The following ZZZ3 variants were observed in gnomAD, a reference collection of about 807,000 sequenced individuals.
ZZZ3 encodes the protein zinc finger ZZ-type containing 3.
ZZZ3 carries 22 observed loss-of-function variants against 95.2 expected under a neutral mutation model. That is an observed-to-expected ratio of 0.23 (90% CI 0.17 to 0.33). The LOEUF is 0.33. Ranked by LOEUF, ZZZ3 falls within the 10% of genes least tolerant of loss-of-function variation. The pLI, the probability that ZZZ3 is intolerant of heterozygous loss-of-function variation, is 1.00. For synonymous variants in ZZZ3, 335 were observed against 358.9 expected (o/e 0.93, Z 0.75); for missense variants, 885 against 1,066.5 (o/e 0.83, Z 2.37).
At chr1:77,655,644 C>G (rs1476574171) in intron 1 of ZZZ3, among the ~76,000 whole-genome samples, 1 of 152,172 alleles carries the variant, frequency 6.6e-6, no homozygotes, top group African/African-American at 2.4e-5. Context: ...ACAGACAAGG[C>G]AGATAGATAA....
At chr1:77,671,027 T>A (rs1387011984) in intron 1 of ZZZ3, among the ~76,000 whole-genome samples, 1 of 149,290 alleles carries the variant, frequency 6.7e-6, no homozygotes, top group Non-Finnish European at 1.5e-5. Flanking sequence ...GTGGGGGTTG[T>A]TTTTTTTAAA....
At chr1:77,625,808 G>A (rs1225133053) in intron 5 of ZZZ3, among the ~76,000 whole-genome samples, 1 of 150,960 alleles carries the variant, frequency 6.6e-6, no homozygotes, top group Non-Finnish European at 1.5e-5. Context: ...TGGTCAACAT[G>A]ATGAAACTCT....
chr1:77,588,753 T>C (rs994113287), intron 5 of ZZZ3, among the ~76,000 whole-genome samples: 18 of 152,224 alleles, frequency 1.2e-4, no homozygotes, highest in Admixed American at 4.6e-4. Flanking sequence ...GATAAAATCA[T>C]AGTTATACCT....
At chr1:77,641,027 G>A (rs1004532639) in intron 3 of ZZZ3, 1 of 152,206 alleles carries the variant, frequency 6.6e-6, no homozygotes, top group African/African-American at 2.4e-5. Context: ...ATGGGGAGAA[G>A]CTCAGCGAAA....
chr1:77,656,493 C>T (rs561949480), intron 1 of ZZZ3, among the ~76,000 whole-genome samples: 126 of 152,200 alleles, frequency 8.3e-4, no homozygotes, highest in Middle Eastern at 3.4e-3. Context: ...CTAAAGGAGA[C>T]GGATCAAGGT....
chr1:77,611,844 G>T (rs778848328), intron 5 of ZZZ3, among the ~76,000 whole-genome samples: 1 of 151,852 alleles, frequency 6.6e-6, no homozygotes, highest in South Asian at 2.1e-4. Flanking sequence ...ACGAGTGAAA[G>T]ACCTAAATAT....
intron 5 of ZZZ3, among the ~76,000 whole-genome samples, chr1:77,605,955 CAGAG>C (rs745816641): frequency 3.3e-5 from 5 of 152,056 alleles, no homozygotes; most frequent in South Asian, 4.1e-4. Flanking sequence ...TTAAGAAAAG[CAGAG>C]GGAAAAGCAA....
intron 5 of ZZZ3, among the ~76,000 whole-genome samples, chr1:77,586,902 A>T (rs1209057783): frequency 4.6e-5 from 7 of 152,164 alleles, no homozygotes; most frequent in Admixed American, 6.5e-5. Flanking sequence ...ATATAGACAA[A>T]TCTATTTTCA....
chr1:77,615,819 T>C (rs1032007396), intron 5 of ZZZ3, among the ~76,000 whole-genome samples: 3 of 152,190 alleles, frequency 2.0e-5, no homozygotes, highest in African/African-American at 2.4e-5. Flanking sequence ...GAAAACATTC[T>C]ATTTGGTTTT....
At chr1:77,674,230 G>C (rs1370617125) in intron 1 of ZZZ3, among the ~76,000 whole-genome samples, 1 of 152,142 alleles carries the variant, frequency 6.6e-6, no homozygotes, top group Non-Finnish European at 1.5e-5. Context: ...TAAGTGTTGA[G>C]ATCTCAAGGT....
chr1:77,586,168 T>C (rs769501391), intron 5 of ZZZ3, among the ~76,000 whole-genome samples: 15 of 152,224 alleles, frequency 9.9e-5, no homozygotes, highest in African/African-American at 3.4e-4. Flanking sequence ...CAGGCTCACA[T>C]AGGCTCAATC....
At chr1:77,570,828 ATT>A (rs1234908458) in intron 12 of ZZZ3, among the ~76,000 whole-genome samples, 8 of 123,760 alleles carry the variant, frequency 6.5e-5, no homozygotes, top group African/African-American at 1.9e-4. Flanking sequence ...AGCCTGGCTA[ATT>A]TTTTTTTTTT....
chr1:77,607,610 C>G (rs1316539812), intron 5 of ZZZ3, among the ~76,000 whole-genome samples: 1 of 152,074 alleles, frequency 6.6e-6, no homozygotes, highest in Non-Finnish European at 1.5e-5. Context: ...AATTAGTGAG[C>G]TTTAAGACAG....
chr1:77,632,711 C>T lies in ZZZ3; in HGVS notation c.644G>A (p.Cys215Tyr), dbSNP rs1414857969. Reference sequence around the variant, plus strand: ...GTTCCCATCAGGCTGACAGTCATCACAGTTTATAACAGCTGAATCACTGTC... The same window carrying T: ...GTTCCCATCAGGCTGACAGTCATCATAGTTTATAACAGCTGAATCACTGTC... Reference protein sequence around the residue: ...VDDSDSAVINCDDCQPDGNTK... With the variant: ...VDDSDSAVINYDDCQPDGNTK... The change falls in exon 5 of 15, where the codon TGT becomes TAT. Residue 215 changes from cysteine (C) to tyrosine (Y), a missense_variant. Transcript: ENST00000370801. 6.2e-7 allele frequency: 1 copy of T among 1,614,168 alleles called. No homozygotes were observed. Among genetic ancestry groups the T allele is most frequent in the South Asian group, 1.1e-5 (1 of 91,082 alleles).
intron 13 of ZZZ3, among the ~76,000 whole-genome samples, chr1:77,567,800 GA>G (rs937608098): frequency 5.9e-5 from 9 of 151,906 alleles, no homozygotes; most frequent in African/African-American, 2.2e-4. Context: ...ATCAGAAAGG[GA>G]AAAAAACCCA....
rs545957886 is a variant in ZZZ3 at position 77,644,403 on chromosome 1, A to C, written c.-402-2748T>G. On this transcript the variant is annotated intron_variant, in intron 1 of 14. Transcript: ENST00000370801. ...CCTAGACAATTAAGCTTTCACAGCTACTTGCTATAAAGAGCTGAACCGAAT... is the reference window on the plus strand; with the variant it reads ...CCTAGACAATTAAGCTTTCACAGCTCCTTGCTATAAAGAGCTGAACCGAAT... Among the ~76,000 whole-genome samples, 54 of 152,356 alleles carry C rather than the reference A, an allele frequency of 3.5e-4. No homozygotes were observed. The South Asian group carries it at 6.4e-3, about 18-fold the overall frequency.
chr1:77,622,662 A>G (rs1224719138), intron 5 of ZZZ3, among the ~76,000 whole-genome samples: 8 of 152,208 alleles, frequency 5.3e-5, no homozygotes, highest in Non-Finnish European at 1.0e-4. Flanking sequence ...AAAAAGTTTC[A>G]TATCTTTTTG....
At chr1:77,641,763 T>A (rs572472214) in intron 1 of ZZZ3, 108 bp from the exon 2 acceptor site, 7 of 389,082 alleles carry the variant, frequency 1.8e-5, no homozygotes, top group African/African-American at 1.4e-4. Context: ...CTTCATTTTC[T>A]ACTAAACTTC....
At chr1:77,588,028 CTG>C (rs1275521275) in intron 5 of ZZZ3, among the ~76,000 whole-genome samples, 1 of 152,146 alleles carries the variant, frequency 6.6e-6, no homozygotes, top group African/African-American at 2.4e-5. Flanking sequence ...TGTTAATCAA[CTG>C]TTTATGTTAT....
Sources: allele counts gnomAD v4.1 joint callset (sites outside exome capture counted in the v4.1 genomes callset), GRCh38; gene constraint gnomAD v4.1.1; transcripts MANE v1.5; gene names NCBI Gene and HGNC (gene_info 2026-07-23, HGNC 2026-07-21).